RP1: variants seen among roughly 807,000 people sequenced by gnomAD.
RP1 encodes the protein oxygen-regulated protein 1.
Under a neutral mutation model 14.8 loss-of-function variants are expected in RP1, and 16 were observed. The ratio of observed to expected loss-of-function variants is 1.08; its 90% CI spans 0.73 to 1.65. The LOEUF (loss-of-function observed/expected upper bound fraction) is 1.65, where lower values mean the gene tolerates loss of function less well. Ranked by LOEUF, RP1 falls within the 40% of genes most tolerant of loss-of-function variation. The pLI, the probability that RP1 is intolerant of heterozygous loss-of-function variation, is 0.00. For missense variants in RP1, 2,631 were observed against 2,535.0 expected, an observed-to-expected ratio of 1.04 and a Z score of -0.81; for synonymous variants, 876 against 883.6, an observed-to-expected ratio of 0.99 and a Z score of 0.15.
chr8:54,707,633 C>G (rs976774121), intron 15 of RP1, among the ~76,000 whole-genome samples: 1 of 152,198 alleles, frequency 6.6e-6, no homozygotes, highest in Non-Finnish European at 1.5e-5. Flanking sequence ...CGCCCTCTCC[C>G]TTCTTACCAG....
At chr8:54,620,820 T>A in intron 1 of RP1, 135 bp from the exon 2 acceptor site, 1 of 866,852 alleles carries the variant, frequency 1.2e-6, no homozygotes, top group Non-Finnish European at 1.9e-6. Flanking sequence ...ATAGGTATAA[T>A]GAATGAATAA....
In RP1 at chr8:54,837,489, A is replaced by G. The variant is rs189920188; in HGVS notation, c.3655A>G (p.Ile1219Val). The G allele has an allele frequency of 2.4e-4, 299 of 1,231,624 alleles. No homozygotes were observed. The African/African-American group carries it at 4.5e-3, about 19-fold the overall frequency. The allele number at this position is 1,231,624 out of a possible 1,614,324, so 76.3% of individuals were successfully genotyped here. Reference sequence around the variant, plus strand: ...TATTGGTGAAATCTATAAAATACGTATTGGACATGACAACACTGGAAAGAA... The same window carrying G: ...TATTGGTGAAATCTATAAAATACGTGTTGGACATGACAACACTGGAAAGAA... Residue 1219 changes from isoleucine (I) to valine (V), a missense_variant, in exon 25 of 29, where the codon ATT becomes GTT. Ile to Val is a conservative substitution (Grantham distance 29). Transcript: ENST00000637698.
chr8:54,870,631 C>T (rs1812567914), exon 29 of RP1: 1 of 152,126 alleles, frequency 6.6e-6, no homozygotes, highest in South Asian at 2.1e-4. Context: ...TCTCATGAAG[C>T]CTCAAATACT....
chr8:54,689,434 A>C (rs1452100440), intron 12 of RP1, among the ~76,000 whole-genome samples: 4 of 152,058 alleles, frequency 2.6e-5, no homozygotes, highest in Non-Finnish European at 5.9e-5. Context: ...AGGGATTAGC[A>C]TTCCTCAGAT....
At chr8:54,656,508 G>A (rs1252278057) in intron 6 of RP1, among the ~76,000 whole-genome samples, 1 of 151,948 alleles carries the variant, frequency 6.6e-6, no homozygotes, top group Non-Finnish European at 1.5e-5. Flanking sequence ...AATGTCAAAT[G>A]ACGTTCCTCC....
At chr8:54,667,758 G>T (rs1807051649) in intron 7 of RP1, among the ~76,000 whole-genome samples, 1 of 152,174 alleles carries the variant, frequency 6.6e-6, no homozygotes, top group African/African-American at 2.4e-5. Context: ...GAAACCTCCA[G>T]TCTGCCATAT....
intron 24 of RP1, among the ~76,000 whole-genome samples, chr8:54,814,600 TA>T (rs1195498035): frequency 1.3e-5 from 2 of 152,194 alleles, no homozygotes; most frequent in Non-Finnish European, 2.9e-5. Context: ...ACATAGAATT[TA>T]GTCTCCCAAT....
exon 25 of RP1, chr8:54,837,549 A>C: frequency 8.1e-7 from 1 of 1,231,762 alleles, no homozygotes; most frequent in Non-Finnish European, 1.0e-6. Flanking sequence ...TAGACTTGAA[A>C]ATATAGCCAC....
chr8:54,736,310 T>A (rs1436036564), intron 18 of RP1, among the ~76,000 whole-genome samples: 3 of 152,136 alleles, frequency 2.0e-5, no homozygotes, highest in Non-Finnish European at 4.4e-5. Context: ...AAAAAAGGAA[T>A]CCTATTGACA....
intron 19 of RP1, among the ~76,000 whole-genome samples, chr8:54,740,625 G>T (rs1271514466): frequency 1.3e-5 from 2 of 151,980 alleles, no homozygotes; most frequent in African/African-American, 4.8e-5. Flanking sequence ...AGGAGGCTGA[G>T]GCAGGAGAAT....
chr8:54,682,478 G>A (rs1807458458), intron 12 of RP1, among the ~76,000 whole-genome samples: 1 of 151,986 alleles, frequency 6.6e-6, no homozygotes, highest in Non-Finnish European at 1.5e-5. Context: ...TATACCCACA[G>A]GAATATAAAT....
chr8:54,632,042 A>G (rs1806255606), downstream of RP1, among the ~76,000 whole-genome samples: 1 of 151,882 alleles, frequency 6.6e-6, no homozygotes, highest in Non-Finnish European at 1.5e-5. Context: ...GGGTTTCTCC[A>G]TGTTGGTTAG....
chr8:54,589,087 G>A (rs1047498409), intron 1 of RP1, among the ~76,000 whole-genome samples: 7 of 152,126 alleles, frequency 4.6e-5, no homozygotes, highest in Non-Finnish European at 5.9e-5. Flanking sequence ...AGAGATAGAT[G>A]TCTAGGATCA....
At chr8:54,647,437 C>T (rs1486900423) in intron 3 of RP1, among the ~76,000 whole-genome samples, 1 of 151,986 alleles carries the variant, frequency 6.6e-6, no homozygotes, top group African/African-American at 2.4e-5. Context: ...ATAAAAAATA[C>T]AAATACAAAC....
At chr8:54,649,192 A>G in intron 4 of RP1, 1 of 1,367,390 alleles carries the variant, frequency 7.3e-7, no homozygotes, top group Non-Finnish European at 9.5e-7. Flanking sequence ...TAAGTGATAC[A>G]CCTAGTAGGT....
intron 24 of RP1, among the ~76,000 whole-genome samples, chr8:54,806,927 CG>C (rs1810866234): frequency 6.6e-6 from 1 of 152,094 alleles, no homozygotes; most frequent in Non-Finnish European, 1.5e-5. Context: ...GTTTAAGTCA[CG>C]TTTCTCTTTA....
At chr8:54,588,859 AG>A (rs1315806887) in intron 1 of RP1, among the ~76,000 whole-genome samples, 1 of 152,250 alleles carries the variant, frequency 6.6e-6, no homozygotes, top group African/African-American at 2.4e-5. Context: ...ACCATTTAAA[AG>A]GTACTTGGAT....
intron 1 of RP1, among the ~76,000 whole-genome samples, chr8:54,599,685 C>A (rs1805230201): frequency 6.6e-6 from 1 of 152,152 alleles, no homozygotes; most frequent in African/African-American, 2.4e-5. Context: ...AAACTCCTGA[C>A]CTCAAGTGAT....
chr8:54,727,728 AGG>A (rs1283377575), intron 17 of RP1, among the ~76,000 whole-genome samples: 1 of 152,034 alleles, frequency 6.6e-6, no homozygotes, highest in Non-Finnish European at 1.5e-5. Flanking sequence ...CAGATGTTAT[AGG>A]TAAAACAGAC....
Sources: allele counts gnomAD v4.1 joint callset (sites outside exome capture counted in the v4.1 genomes callset), GRCh38; gene constraint gnomAD v4.1.1; transcripts MANE v1.5; gene names NCBI Gene and HGNC (gene_info 2026-07-23, HGNC 2026-07-21).